Variants in NCK2 observed in about 807,000 individuals in gnomAD.
NCK2 encodes NCK adaptor protein 2, also known as cytoplasmic protein NCK2.
Under a neutral mutation model 33.9 loss-of-function variants are expected in NCK2, and 16 were observed. The observed-to-expected ratio is 0.47, with a 90% CI of 0.32 to 0.72. NCK2 has a LOEUF of 0.72. Ranked by LOEUF, NCK2 falls within the 30% of genes least tolerant of loss-of-function variation. NCK2 has a pLI of 0.03. For missense variants in NCK2, 418 were observed against 537.3 expected (o/e 0.78, Z 2.19); for synonymous variants, 273 against 239.9 (o/e 1.14, Z -1.27).
chr2:105,849,194 G>A (rs1380390678), intron 2 of NCK2, among the ~76,000 whole-genome samples: 1 of 152,120 alleles, frequency 6.6e-6, no homozygotes, highest in Non-Finnish European at 1.5e-5. Context: ...ACCAGCCTAG[G>A]CAACATAGAT....
chr2:105,827,419 T>A (rs114663145), intron 2 of NCK2, among the ~76,000 whole-genome samples: 2 of 152,118 alleles, frequency 1.3e-5, no homozygotes, highest in Admixed American at 1.3e-4. Flanking sequence ...ATCTCCATAC[T>A]CTTCTCAACA....
chr2:105,755,507 C>T (rs1000991130), intron 1 of NCK2, among the ~76,000 whole-genome samples: 7 of 152,166 alleles, frequency 4.6e-5, no homozygotes, highest in Non-Finnish European at 7.3e-5. Context: ...TGAGTGCCTC[C>T]GGTTGGTGAG....
At chr2:105,881,258 T>G in intron 3 of NCK2, 70 bp from the exon 4 acceptor site, 4 of 1,508,428 alleles carry the variant, frequency 2.7e-6, no homozygotes, top group Non-Finnish European at 3.5e-6. Flanking sequence ...TGCGTGGAAA[T>G]CCCGGTAGGC....
intron 2 of NCK2, among the ~76,000 whole-genome samples, chr2:105,843,212 CATAT>C (rs1159333772): frequency 2.0e-5 from 3 of 151,768 alleles, no homozygotes; most frequent in Admixed American, 6.6e-5. Context: ...ATTTATGTTT[CATAT>C]ATATATAGCC....
intron 4 of NCK2, among the ~76,000 whole-genome samples, chr2:105,890,913 C>T (rs563892685): frequency 6.6e-6 from 1 of 152,342 alleles, no homozygotes; most frequent in Admixed American, 6.5e-5. Flanking sequence ...GGTCGCAGAG[C>T]AGGGCTGAGC....
rs529959145 is a variant in NCK2 at position 105,788,024 on chromosome 2, C to G, written c.-200-28406C>G. Reference sequence around the variant, plus strand: ...GACAAATCAGAGTTGGGATGTGTCTCCTTCCAAGGTTGGATCTGCTTGGAT... The same window carrying G: ...GACAAATCAGAGTTGGGATGTGTCTGCTTCCAAGGTTGGATCTGCTTGGAT... On this transcript the variant is annotated intron_variant, in intron 1 of 4. Transcript: ENST00000233154. 2.6e-5 allele frequency among the ~76,000 whole-genome samples: 4 copies of G among 152,076 alleles called. No individual in the cohort carries two copies. The East Asian group carries it at 7.8e-4, about 30-fold the overall frequency.
intron 1 of NCK2, among the ~76,000 whole-genome samples, chr2:105,747,927 A>G (rs1160144297): frequency 6.6e-6 from 1 of 152,214 alleles, no homozygotes. Flanking sequence ...TCTTTAGGCC[A>G]TTTAGTAGCA....
chr2:105,890,664 C>G (rs148743040), intron 4 of NCK2, among the ~76,000 whole-genome samples: 1 of 152,206 alleles, frequency 6.6e-6, no homozygotes, highest in South Asian at 2.1e-4. Context: ...ACTATACTTA[C>G]AATTGTTCCT....
intron 1 of NCK2, among the ~76,000 whole-genome samples, chr2:105,810,716 CT>C (rs1267042940): frequency 8.5e-5 from 13 of 152,134 alleles, no homozygotes; most frequent in African/African-American, 2.9e-4. Flanking sequence ...CTGGGCAGAC[CT>C]TTTAGAGAAT....
intron 1 of NCK2, among the ~76,000 whole-genome samples, chr2:105,772,307 T>G (rs979021948): frequency 1.3e-5 from 2 of 152,152 alleles, no homozygotes; most frequent in African/African-American, 4.8e-5. Context: ...AGGAGAGCCT[T>G]CTGCCCCATG....
intron 1 of NCK2, among the ~76,000 whole-genome samples, chr2:105,749,373 C>T (rs1229795741): frequency 2.6e-5 from 4 of 152,094 alleles, no homozygotes; most frequent in Non-Finnish European, 5.9e-5. Context: ...TAGTGAAGAC[C>T]GAAAATGCCA....
At chr2:105,754,141 C>G (rs2104336215) in intron 1 of NCK2, among the ~76,000 whole-genome samples, 1 of 152,322 alleles carries the variant, frequency 6.6e-6, no homozygotes, top group South Asian at 2.1e-4. Context: ...AGAGGGGCTG[C>G]AATTTGGGCA....
intron 1 of NCK2, among the ~76,000 whole-genome samples, chr2:105,787,043 G>A (rs1172917315): frequency 1.3e-5 from 2 of 152,232 alleles, no homozygotes; most frequent in Non-Finnish European, 2.9e-5. Context: ...CCTCTCTTCT[G>A]CCCTTTGCTG....
chr2:105,752,832 A>G (rs1053388479), intron 1 of NCK2, among the ~76,000 whole-genome samples: 4 of 152,140 alleles, frequency 2.6e-5, no homozygotes, highest in Non-Finnish European at 5.9e-5. Context: ...TAGTATTCAT[A>G]TTTCTGATAA....
intron 3 of NCK2, among the ~76,000 whole-genome samples, chr2:105,866,275 C>G (rs925093310): frequency 6.6e-6 from 1 of 152,182 alleles, no homozygotes; most frequent in Admixed American, 6.5e-5. Context: ...GCAAATGCTC[C>G]GTGATCTTAT....
At chr2:105,812,876 C>G (rs531899398) in intron 1 of NCK2, among the ~76,000 whole-genome samples, 1 of 147,398 alleles carries the variant, frequency 6.8e-6, no homozygotes, top group African/African-American at 2.5e-5. Flanking sequence ...TGAAAACAAA[C>G]TTGGTGTGTG....
intron 1 of NCK2, among the ~76,000 whole-genome samples, chr2:105,772,114 G>T (rs894931848): frequency 6.6e-6 from 1 of 150,468 alleles, no homozygotes; most frequent in African/African-American, 2.4e-5. Flanking sequence ...TGGCGGAGGG[G>T]GTAGCGTTTG....
intron 1 of NCK2, among the ~76,000 whole-genome samples, chr2:105,796,063 G>A (rs1469470288): frequency 1.3e-5 from 2 of 152,104 alleles, no homozygotes; most frequent in Non-Finnish European, 2.9e-5. Context: ...AACTTTTTTT[G>A]GAAAGCTAAT....
intron 1 of NCK2, among the ~76,000 whole-genome samples, chr2:105,763,221 C>G (rs1329186775): frequency 2.0e-5 from 3 of 152,100 alleles, no homozygotes. Context: ...AACAAAAGCA[C>G]CCTGAGGAGG....
Sources: gnomAD v4.1 joint callset for allele counts (sites outside exome capture counted in the v4.1 genomes callset) on GRCh38, gnomAD v4.1.1 for gene constraint, MANE v1.5 for transcripts, NCBI Gene and HGNC (gene_info 2026-07-23, HGNC 2026-07-21) for gene names.